The following BBX variants were observed in gnomAD, a reference collection of about 807,000 sequenced individuals.
The protein encoded by BBX is HMG box transcription factor BBX.
Under a neutral mutation model 100.2 loss-of-function variants are expected in BBX, and 30 were observed. The ratio of observed to expected loss-of-function variants is 0.30; its 90% CI spans 0.22 to 0.41. BBX has a LOEUF of 0.41. BBX is among the 10% of genes least tolerant of loss of function. BBX has a pLI of 1.00. For missense variants in BBX, 1,023 were observed against 1,129.8 expected, an observed-to-expected ratio of 0.91 and a Z score of 1.35; for synonymous variants, 376 against 388.1, an observed-to-expected ratio of 0.97 and a Z score of 0.37.
chr3:107,703,406 A>G (rs1257014395), intron 3 of BBX, among the ~76,000 whole-genome samples: 1 of 152,148 alleles, frequency 6.6e-6, no homozygotes, highest in East Asian at 1.9e-4. Context: ...TTTGTAGCCT[A>G]GAACAGCATT....
Position 107,716,804 on chromosome 3 carries a change from T to G in BBX, c.360T>G (p.Val120=). ...AGATACTAGCTGATTGGTGGGCTGT[T>G]CTTGATCCAAAGGAAAAGCAGAAAT... ...ATKILADWWA[V]LDPKEKQKYT... is the part of the protein sequence containing the mutation. Residue 120 remains valine (V), a synonymous_variant, in exon 5 of 18, where the codon GTT becomes GTG. Coordinates refer to ENST00000325805, the MANE Select transcript of BBX (RefSeq NM_001142568.3). 6.2e-7 allele frequency: 1 copy of G among 1,613,632 alleles called. No homozygotes were observed. The highest frequency in any genetic ancestry group is 8.5e-7 in the Non-Finnish European group (1 of 1,179,662).
intron 2 of BBX, among the ~76,000 whole-genome samples, chr3:107,628,407 A>G (rs1388864247): frequency 6.6e-6 from 1 of 152,076 alleles, no homozygotes; most frequent in Non-Finnish European, 1.5e-5. Flanking sequence ...ATATTACCCA[A>G]TTTTTAAAAT....
At chr3:107,787,832 C>A (rs2068598976) in intron 13 of BBX, among the ~76,000 whole-genome samples, 1 of 152,122 alleles carries the variant, frequency 6.6e-6, no homozygotes, top group African/African-American at 2.4e-5. Flanking sequence ...TCTAGGCCAT[C>A]TTGGAGAAGA....
Position 107,592,618 on chromosome 3 carries a change from G to A in BBX, c.-83-53218G>A, listed in dbSNP as rs1162659606. Among the ~76,000 whole-genome samples the A allele has an allele frequency of 2.0e-5, 3 of 152,108 alleles. No homozygotes were observed. The East Asian group carries it at 5.8e-4, about 29-fold the overall frequency. Reference sequence around the variant, plus strand: ...AATGTGTTTATTTATTGATATTGCTGTGTTTACCAGTATGTATGAGCTCAT... The same window carrying A: ...AATGTGTTTATTTATTGATATTGCTATGTTTACCAGTATGTATGAGCTCAT... On this transcript the variant is annotated intron_variant, in intron 2 of 17. Transcript: ENST00000325805.
At chr3:107,722,663 A>G (rs2062627991) in intron 5 of BBX, among the ~76,000 whole-genome samples, 1 of 151,980 alleles carries the variant, frequency 6.6e-6, no homozygotes, top group Non-Finnish European at 1.5e-5. Flanking sequence ...TTATTATGAA[A>G]GTTTTGCAGG....
chr3:107,798,848 A>AT lies in BBX; in HGVS notation c.2551+128_2551+129insT, dbSNP rs1166137186. On this transcript the variant is annotated intron_variant, in intron 16 of 17. Coordinates refer to ENST00000325805, the MANE Select transcript of BBX (RefSeq NM_001142568.3). ...TAGCCAATGAGCTAAAAAAAAAAAA[A>AT]AACAAAAACAAAAAAAACCAGGCCA... 6 of 1,048,628 alleles carry AT rather than the reference A, an allele frequency of 5.7e-6. No homozygotes were observed. In the Admixed American group the frequency reaches 8.6e-5, roughly 15 times the overall value. The allele number at this position is 1,048,628 out of a possible 1,614,324, so 65.0% of individuals were successfully genotyped here.
chr3:107,631,022 A>G (rs1016265337), intron 2 of BBX, among the ~76,000 whole-genome samples: 5 of 152,160 alleles, frequency 3.3e-5, no homozygotes, highest in African/African-American at 1.2e-4. Flanking sequence ...GTGCATTTAG[A>G]TGACTCACAG....
At chr3:107,542,988 GC>G (rs1238555425) in intron 2 of BBX, among the ~76,000 whole-genome samples, 9 of 152,058 alleles carry the variant, frequency 5.9e-5, no homozygotes, top group African/African-American at 2.2e-4. Context: ...ACACACAGTT[GC>G]TCCTCAGTAG....
intron 2 of BBX, among the ~76,000 whole-genome samples, chr3:107,577,657 C>G (rs2051897291): frequency 6.6e-6 from 1 of 152,130 alleles, no homozygotes. Context: ...ATGGTATTCT[C>G]TAAGCAATTG....
At chr3:107,728,743 CT>C in intron 5 of BBX, 21 bp from the exon 6 acceptor site, 1 of 1,579,062 alleles carries the variant, frequency 6.3e-7, no homozygotes, top group Non-Finnish European at 8.6e-7. Flanking sequence ...TTAAAATCTG[CT>C]GTCTGTCGTT....
At chr3:107,741,536 C>T (rs1432083174) in intron 7 of BBX, among the ~76,000 whole-genome samples, 1 of 151,852 alleles carries the variant, frequency 6.6e-6, no homozygotes, top group Non-Finnish European at 1.5e-5. Context: ...CTAGAAACAG[C>T]TTCTTGGGTT....
intron 2 of BBX, among the ~76,000 whole-genome samples, chr3:107,616,286 T>G (rs2055273769): frequency 2.0e-5 from 3 of 151,912 alleles, no homozygotes; most frequent in African/African-American, 7.3e-5. Flanking sequence ...AATGCAAATA[T>G]TTCAAAATGA....
intron 3 of BBX, among the ~76,000 whole-genome samples, chr3:107,687,210 A>G (rs1482864762): frequency 6.6e-6 from 1 of 152,182 alleles, no homozygotes; most frequent in Non-Finnish European, 1.5e-5. Flanking sequence ...TTTTCAAATC[A>G]TAGAATCCAG....
chr3:107,734,650 C>T (rs2063525974), intron 7 of BBX, among the ~76,000 whole-genome samples: 1 of 152,194 alleles, frequency 6.6e-6, no homozygotes, highest in Non-Finnish European at 1.5e-5. Flanking sequence ...CATAGTGTTT[C>T]ATTCGCAACA....
chr3:107,622,126 C>G (rs1340375430), intron 2 of BBX, among the ~76,000 whole-genome samples: 1 of 152,092 alleles, frequency 6.6e-6, no homozygotes, highest in African/African-American at 2.4e-5. Flanking sequence ...CCTGGCAACC[C>G]CTGTTCTCTT....
intron 2 of BBX, among the ~76,000 whole-genome samples, chr3:107,551,987 A>T (rs2049722111): frequency 6.6e-6 from 1 of 152,154 alleles, no homozygotes; most frequent in African/African-American, 2.4e-5. Context: ...CACATGGAAG[A>T]TTCCCCAATA....
chr3:107,622,908 CTT>C (rs1336811532), intron 2 of BBX, among the ~76,000 whole-genome samples: 1 of 152,176 alleles, frequency 6.6e-6, no homozygotes, highest in Non-Finnish European at 1.5e-5. Flanking sequence ...TTTTCAAAGT[CTT>C]TTCAGTGTTA....
intron 2 of BBX, among the ~76,000 whole-genome samples, chr3:107,573,958 C>T (rs1045695662): frequency 6.6e-6 from 1 of 152,168 alleles, no homozygotes; most frequent in Non-Finnish European, 1.5e-5. Flanking sequence ...CTCCTGATCT[C>T]GGGTGATCCA....
chr3:107,720,599 G>C (rs2062461203), intron 5 of BBX, among the ~76,000 whole-genome samples: 1 of 152,008 alleles, frequency 6.6e-6, no homozygotes, highest in South Asian at 2.1e-4. Context: ...CGAGAGACCA[G>C]ACTTAAAAGT....
Sources: gnomAD v4.1 joint callset for allele counts (sites outside exome capture counted in the v4.1 genomes callset) on GRCh38, gnomAD v4.1.1 for gene constraint, MANE v1.5 for transcripts, NCBI Gene and HGNC (gene_info 2026-07-23, HGNC 2026-07-21) for gene names.